Variants in IQSEC3 observed in about 807,000 individuals in gnomAD.
IQSEC3 encodes the protein IQ motif and SEC7 domain-containing protein 3.
IQSEC3 carries 50 observed loss-of-function variants against 105.4 expected under a neutral mutation model. The observed-to-expected ratio is 0.47, with a 90% CI of 0.38 to 0.60. IQSEC3 has a LOEUF of 0.60. IQSEC3 is among the 20% of genes least tolerant of loss of function. IQSEC3 has a pLI of 0.00. For synonymous variants in IQSEC3, 708 were observed against 746.0 expected, an observed-to-expected ratio of 0.95 and a Z score of 0.83; for missense variants, 1,415 against 1,630.0, an observed-to-expected ratio of 0.87 and a Z score of 2.27.
intron 5 of IQSEC3, among the ~76,000 whole-genome samples, chr12:150,138 G>A (rs946824787): frequency 1.3e-5 from 2 of 152,164 alleles, no homozygotes; most frequent in Admixed American, 6.5e-5. Context: ...GCCCAGGGCC[G>A]TGGAGAAGCA....
chr12:111,469 C>T (rs1483615417), intron 2 of IQSEC3: 2 of 152,138 alleles, frequency 1.3e-5, no homozygotes, highest in East Asian at 3.8e-4. Flanking sequence ...GTTCTCTAGG[C>T]CTAGAATTCT....
intron 7 of IQSEC3, among the ~76,000 whole-genome samples, chr12:160,531 C>T (rs982115223): frequency 6.6e-6 from 1 of 152,208 alleles, no homozygotes; most frequent in Non-Finnish European, 1.5e-5. Context: ...TTATCAACTT[C>T]ATCCCCCAGT....
chr12:68,520 A>T, intron 1 of IQSEC3, among the ~76,000 whole-genome samples: 1 of 152,240 alleles, frequency 6.6e-6, no homozygotes, highest in East Asian at 1.9e-4. Flanking sequence ...AGTGTCTGGG[A>T]TGTTCTCTCC....
chr12:128,594 G>A (rs73036125), intron 3 of IQSEC3, among the ~76,000 whole-genome samples: 1 of 151,788 alleles, frequency 6.6e-6, no homozygotes, highest in Non-Finnish European at 1.5e-5. Flanking sequence ...TCCCCAGGAC[G>A]GTTTTCCTTG....
chr12:80,767 G>A (rs755234626), intron 1 of IQSEC3, among the ~76,000 whole-genome samples: 11 of 152,172 alleles, frequency 7.2e-5, no homozygotes, highest in East Asian at 1.9e-4. Context: ...GAAGAGACCC[G>A]GAATAAAGGA....
chr12:161,051 T>C (rs1365480311), intron 7 of IQSEC3, among the ~76,000 whole-genome samples: 1 of 152,170 alleles, frequency 6.6e-6, no homozygotes, highest in African/African-American at 2.4e-5. Context: ...CATGGCTCAT[T>C]TGCCTGACTT....
At chr12:157,457 C>G (rs958862348) in intron 6 of IQSEC3, 71 bp from the exon 7 acceptor site, 1 of 1,423,674 alleles carries the variant, frequency 7.0e-7, no homozygotes, top group South Asian at 1.4e-5. Flanking sequence ...CTGGACACCC[C>G]CTTCCTTTGT....
chr12:127,514 T>TCAAAA (rs782374387), intron 3 of IQSEC3, among the ~76,000 whole-genome samples: 65 of 151,616 alleles, frequency 4.3e-4, no homozygotes, highest in South Asian at 1.5e-3. Flanking sequence ...AGACTCTGTC[T>TCAAAA]CAAAACAAAA....
intron 1 of IQSEC3, among the ~76,000 whole-genome samples, chr12:73,827 G>A (rs1863420145): frequency 6.6e-6 from 1 of 152,240 alleles, no homozygotes. Context: ...TTCTCATTTA[G>A]CCATTCCAGA....
At chr12:166,011 C>T (rs1938627206) in intron 11 of IQSEC3, 121 bp downstream of exon 11, 2 of 1,057,016 alleles carry the variant, frequency 1.9e-6, no homozygotes, top group Non-Finnish European at 2.7e-6. Flanking sequence ...CTCCCCGTGT[C>T]CAGGCCCCAC....
chr12:104,496 G>T (rs1353162518), intron 2 of IQSEC3, among the ~76,000 whole-genome samples: 4 of 152,214 alleles, frequency 2.6e-5, no homozygotes, highest in African/African-American at 9.7e-5. Context: ...ATATTTTAGT[G>T]TGCAGCCTCC....
chr12:128,847 G>A (rs1247588058), intron 3 of IQSEC3, among the ~76,000 whole-genome samples: 4 of 152,112 alleles, frequency 2.6e-5, no homozygotes, highest in Non-Finnish European at 4.4e-5. Context: ...CTCTGACCGC[G>A]CTGATCCTCG....
intron 2 of IQSEC3, among the ~76,000 whole-genome samples, chr12:102,608 G>A (rs1404504479): frequency 6.6e-6 from 1 of 152,240 alleles, no homozygotes; most frequent in Admixed American, 6.5e-5. Flanking sequence ...CACCCCTCCC[G>A]AAGAGGCAGA....
intron 1 of IQSEC3, among the ~76,000 whole-genome samples, chr12:78,275 G>C (rs1452767914): frequency 6.6e-6 from 1 of 151,914 alleles, no homozygotes; most frequent in South Asian, 2.1e-4. Context: ...GGGGAGCATC[G>C]GGGCCGCGGC....
At chr12:99,268 A>G in intron 2 of IQSEC3, 54 bp downstream of exon 2, 1 of 1,519,714 alleles carries the variant, frequency 6.6e-7, no homozygotes, top group Non-Finnish European at 8.9e-7. Context: ...TTCCTGTTAC[A>G]ACAAAGCACG....
At chr12:143,825 C>CTGTG (rs1866141076) in intron 5 of IQSEC3, 1 of 102,682 alleles carries the variant, frequency 9.7e-6, no homozygotes, top group Non-Finnish European at 2.0e-5. Context: ...CGCTGGGCAC[C>CTGTG]CGTGTGTGTG....
At chr12:147,064 A>T (rs1278158009) in intron 5 of IQSEC3, among the ~76,000 whole-genome samples, 7 of 152,146 alleles carry the variant, frequency 4.6e-5, no homozygotes, top group Admixed American at 4.6e-4. Flanking sequence ...TGGCATATAA[A>T]TTGGACTTTT....
At chr12:169,715 A>G (rs1302166990) in intron 12 of IQSEC3, among the ~76,000 whole-genome samples, 3 of 152,044 alleles carry the variant, frequency 2.0e-5, no homozygotes, top group African/African-American at 4.8e-5. Flanking sequence ...GCCTGCCCCA[A>G]CCTTACCCCA....
chr12:163,026 G>A lies in IQSEC3; in HGVS notation c.2584-468G>A, dbSNP rs560072647. Among the ~76,000 whole-genome samples the A allele has an allele frequency of 2.6e-5, 4 of 152,160 alleles. No individual in the cohort carries two copies. In the South Asian group the frequency reaches 8.3e-4, roughly 32 times the overall value. On this transcript the variant is annotated intron_variant, in intron 8 of 13. Transcript: ENST00000538872. ...CCCCTTCTCTGGCCGTGCTCCCCAA[G>A]AAGCATGACAGGGATGAGCCCTGGG...
Sources: allele counts gnomAD v4.1 joint callset (sites outside exome capture counted in the v4.1 genomes callset), GRCh38; gene constraint gnomAD v4.1.1; transcripts MANE v1.5; gene names NCBI Gene and HGNC (gene_info 2026-07-23, HGNC 2026-07-21).